TJP1: variants seen among roughly 807,000 people sequenced by gnomAD.
TJP1 encodes the protein tight junction protein ZO-1.
Under a neutral mutation model 194.2 loss-of-function variants are expected in TJP1, and 43 were observed. That is an observed-to-expected ratio of 0.22 (90% CI 0.17 to 0.29). The LOEUF (loss-of-function observed/expected upper bound fraction) is 0.29. TJP1 is among the 10% of genes least tolerant of loss of function. The pLI is 1.00. For synonymous variants in TJP1, 801 were observed against 779.0 expected (o/e 1.03, Z -0.47); for missense variants, 1,971 against 2,185.7 (o/e 0.90, Z 1.96).
intron 2 of TJP1, among the ~76,000 whole-genome samples, chr15:29,830,382 T>C (rs935728276): frequency 2.7e-5 from 4 of 150,096 alleles, no homozygotes; most frequent in Non-Finnish European, 5.9e-5. Context: ...GTAATATATA[T>C]TAGTACATTT....
chr15:29,962,966 C>T (rs1205516879), intron 1 of TJP1, among the ~76,000 whole-genome samples: 2 of 152,036 alleles, frequency 1.3e-5, no homozygotes, highest in Non-Finnish European at 2.9e-5. Flanking sequence ...ATGGTGAAAC[C>T]CCGTCTCTAC....
chr15:29,702,999 A>C (rs530088841), intron 27 of TJP1, among the ~76,000 whole-genome samples: 1 of 152,356 alleles, frequency 6.6e-6, no homozygotes, highest in East Asian at 1.9e-4. Flanking sequence ...AAATGTGAAA[A>C]TGCAGTGGAA....
intron 2 of TJP1, among the ~76,000 whole-genome samples, chr15:29,899,452 A>G (rs1295807548): frequency 6.6e-6 from 1 of 151,844 alleles, no homozygotes; most frequent in African/African-American, 2.4e-5. Flanking sequence ...CTTCCTTACT[A>G]TTGTCTTTGG....
intron 2 of TJP1, among the ~76,000 whole-genome samples, chr15:29,927,828 T>C (rs1213664202): frequency 1.3e-5 from 2 of 152,104 alleles, no homozygotes; most frequent in Non-Finnish European, 2.9e-5. Context: ...GCTTGGTTAA[T>C]TTGGACTGGG....
chr15:29,957,115 A>C (rs1170815962), intron 1 of TJP1, among the ~76,000 whole-genome samples: 1 of 152,216 alleles, frequency 6.6e-6, no homozygotes, highest in Admixed American at 6.5e-5. Context: ...TGAAAATAAC[A>C]TAAATCTAAA....
chr15:29,914,397 C>CCCCA (rs1162301775), intron 2 of TJP1, among the ~76,000 whole-genome samples: 1 of 152,096 alleles, frequency 6.6e-6, no homozygotes. Context: ...AGAGCTGCAC[C>CCCCA]CCCACCTCAG....
intron 2 of TJP1, among the ~76,000 whole-genome samples, chr15:29,943,140 C>A (rs554889408): frequency 1.4e-4 from 22 of 152,250 alleles, no homozygotes; most frequent in African/African-American, 4.8e-4. Context: ...AAGATCGCCA[C>A]AAGGGATTTT....
intron 8 of TJP1, among the ~76,000 whole-genome samples, chr15:29,745,474 C>A (rs928143518): frequency 3.3e-5 from 5 of 152,022 alleles, no homozygotes; most frequent in African/African-American, 1.2e-4. Flanking sequence ...AAACTTTAGA[C>A]TGGGGGAAGC....
chr15:29,748,622 G>C (rs114995061), intron 8 of TJP1, among the ~76,000 whole-genome samples: 3,209 of 132,092 alleles, frequency 0.024, 41 homozygotes, highest in South Asian at 0.053. Context: ...GCCCTGGCTG[G>C]AGTGCAGTGG....
chr15:29,939,926 C>T (rs558359801), intron 2 of TJP1, among the ~76,000 whole-genome samples: 1 of 152,092 alleles, frequency 6.6e-6, no homozygotes, highest in African/African-American at 2.4e-5. Flanking sequence ...TTGTTTATAA[C>T]CCCCCAACCC....
rs538350635 is a variant in TJP1, at chr15:29,753,144, G to A, written c.1010+7995C>T. The stretch of plus-strand genomic sequence containing the variant: ...TTTTCAAATTTATGTATTTGCTTTG[G>A]ATATAGAGCTTACATCCAAATGATA... On this transcript the variant is annotated intron_variant, in intron 8 of 27. Coordinates refer to ENST00000614355, the MANE Select transcript of TJP1 (RefSeq NM_001330239.4). Among the ~76,000 whole-genome samples, 29 of 152,230 alleles carry A rather than the reference G, an allele frequency of 1.9e-4. No individual in the cohort carries two copies. In the South Asian group the frequency reaches 6.0e-3, roughly 32 times the overall value.
rs188902593 is a variant in TJP1, at chr15:29,912,218, C to T, written c.306+44014G>A. On this transcript the variant is annotated intron_variant, in intron 2 of 28. Coordinates refer to the TJP1 transcript ENST00000356107. ...CCCATTCATGAAGGCTCTACTCTCA[C>T]GGCCTAATCACCTCCCAAAGGTCCT... 7.9e-5 allele frequency among the ~76,000 whole-genome samples: 12 copies of T among 152,286 alleles called. No homozygotes were observed. The East Asian group carries it at 1.5e-3, about 20-fold the overall frequency.
chr15:29,771,507 A>G (rs1231730556), intron 4 of TJP1, among the ~76,000 whole-genome samples: 1 of 152,174 alleles, frequency 6.6e-6, no homozygotes, highest in Non-Finnish European at 1.5e-5. Context: ...CATTAAGCCA[A>G]AAAGAGGTAA....
At position 29,720,463 on chromosome 15, in the gene TJP1, AGAG is replaced by A; in HGVS notation, c.2655_2657del (p.Ser886del). 6.2e-7 allele frequency: 1 copy of A among 1,614,164 alleles called. No individual in the cohort carries two copies. The highest frequency in any genetic ancestry group is 8.5e-7 in the Non-Finnish European group (1 of 1,180,040). ...ATGTTTGGTTTTCATGATGCATTCC[AGAG>A]GAGTCCTCTCTTACAGGCTCAGAGG... is the stretch of plus-strand genomic sequence containing the variant. On this transcript the variant is annotated inframe_deletion, in exon 19 of 28. Transcript: ENST00000614355.
At chr15:29,756,191 T>C (rs1359587224) in intron 8 of TJP1, among the ~76,000 whole-genome samples, 1 of 152,104 alleles carries the variant, frequency 6.6e-6, no homozygotes, top group Non-Finnish European at 1.5e-5. Flanking sequence ...CACCATCAAC[T>C]GTGGGCTCTC....
chr15:29,714,483 C>A (rs2042429768), intron 23 of TJP1, among the ~76,000 whole-genome samples: 1 of 151,350 alleles, frequency 6.6e-6, no homozygotes, highest in Admixed American at 6.6e-5. Flanking sequence ...CATGATCCAC[C>A]CACCTCGGCC....
chr15:29,832,113 T>C (rs2050855144), intron 2 of TJP1, among the ~76,000 whole-genome samples: 1 of 152,160 alleles, frequency 6.6e-6, no homozygotes. Flanking sequence ...AGATGGAGTC[T>C]TTTCTTCCAT....
At chr15:29,762,484 C>T (rs373560627) in intron 5 of TJP1, 46 bp from the exon 6 acceptor site, 99 of 1,416,852 alleles carry the variant, frequency 7.0e-5, no homozygotes, top group East Asian at 4.6e-4. Flanking sequence ...TCCTAAGACA[C>T]CTAAATAGAT....
chr15:29,916,120 C>T (rs1262007865), intron 2 of TJP1, among the ~76,000 whole-genome samples: 1 of 151,962 alleles, frequency 6.6e-6, no homozygotes, highest in East Asian at 1.9e-4. Context: ...TGGCAGGCAC[C>T]TGTAATCCCA....
Sources: gnomAD v4.1 joint callset for allele counts (sites outside exome capture counted in the v4.1 genomes callset) on GRCh38, gnomAD v4.1.1 for gene constraint, MANE v1.5 for transcripts, NCBI Gene and HGNC (gene_info 2026-07-23, HGNC 2026-07-21) for gene names.